ASZ1: variants seen among roughly 807,000 people sequenced by gnomAD.
ASZ1 encodes ankyrin repeat, SAM and basic leucine zipper domain-containing protein 1.
A neutral mutation model predicts 61.8 loss-of-function variants in ASZ1; 67 were observed. The observed-to-expected ratio is 1.08, with a 90% CI of 0.89 to 1.33. The LOEUF (loss-of-function observed/expected upper bound fraction) is 1.33, where lower values mean the gene tolerates loss of function less well. Ranked by LOEUF, ASZ1 falls within the 40% of genes most tolerant of loss-of-function variation. The pLI is 0.00. For synonymous variants in ASZ1, 193 were observed against 192.7 expected (o/e 1.00, Z -0.01); for missense variants, 577 against 554.5 (o/e 1.04, Z -0.41).
chr7:117,403,357 A>C (rs1796716423), intron 4 of ASZ1, among the ~76,000 whole-genome samples: 1 of 151,944 alleles, frequency 6.6e-6, no homozygotes, highest in Non-Finnish European at 1.5e-5. Flanking sequence ...ACCTGGGCTA[A>C]CTCCTTAATA....
intron 4 of ASZ1, among the ~76,000 whole-genome samples, chr7:117,417,672 C>A (rs947299564): frequency 6.6e-6 from 1 of 152,170 alleles, no homozygotes; most frequent in Non-Finnish European, 1.5e-5. Context: ...CATAACTTAT[C>A]CTCTTTTCAG....
At chr7:117,421,503 G>A (rs141743444) in intron 3 of ASZ1, among the ~76,000 whole-genome samples, 143 of 152,182 alleles carry the variant, frequency 9.4e-4, no homozygotes, top group Non-Finnish European at 1.1e-3. Context: ...TTATAAGCAT[G>A]AGCCACCATG....
At chr7:117,423,687 T>TAAAAA (rs1413276323) in intron 2 of ASZ1, among the ~76,000 whole-genome samples, 2 of 37,228 alleles carry the variant, frequency 5.4e-5, no homozygotes, top group African/African-American at 1.6e-4. Flanking sequence ...CTACTAAAAA[T>TAAAAA]ACAAAAAAAA....
intron 10 of ASZ1, among the ~76,000 whole-genome samples, chr7:117,378,682 A>G (rs1037017295): frequency 2.6e-5 from 4 of 152,076 alleles, no homozygotes; most frequent in Non-Finnish European, 4.4e-5. Flanking sequence ...TTTGGCATTT[A>G]TCCCAGAGAA....
At chr7:117,382,628 G>A (rs193048507) in intron 7 of ASZ1, among the ~76,000 whole-genome samples, 1 of 152,150 alleles carries the variant, frequency 6.6e-6, no homozygotes, top group African/African-American at 2.4e-5. Context: ...GGTGTTCTGG[G>A]GGGAAAAGTA....
At chr7:117,423,302 T>C (rs1033525893) in intron 2 of ASZ1, among the ~76,000 whole-genome samples, 3 of 152,120 alleles carry the variant, frequency 2.0e-5, no homozygotes, top group Admixed American at 6.6e-5. Flanking sequence ...AGACTACATA[T>C]GTCTAATTTC....
chr7:117,393,971 ATAAC>A (rs1193507100), intron 4 of ASZ1, among the ~76,000 whole-genome samples: 1 of 152,228 alleles, frequency 6.6e-6, no homozygotes, highest in Non-Finnish European at 1.5e-5. Context: ...AAGTTAATAA[ATAAC>A]TATACATAGT....
intron 4 of ASZ1, among the ~76,000 whole-genome samples, chr7:117,415,855 C>A (rs1388899568): frequency 6.6e-6 from 1 of 152,170 alleles, no homozygotes; most frequent in Non-Finnish European, 1.5e-5. Context: ...ACAACCACAG[C>A]ATACACCAAA....
intron 4 of ASZ1, among the ~76,000 whole-genome samples, chr7:117,398,640 A>G (rs1158949385): frequency 6.6e-6 from 1 of 152,190 alleles, no homozygotes; most frequent in Non-Finnish European, 1.5e-5. Context: ...TAACCTTTAC[A>G]AAATACTAGT....
intron 2 of ASZ1, 76 bp from the exon 3 acceptor site, chr7:117,422,435 T>C: frequency 2.0e-6 from 3 of 1,495,268 alleles, no homozygotes; most frequent in Non-Finnish European, 1.8e-6. Context: ...ATGCTTAAAG[T>C]ACTGTGTAAA....
intron 4 of ASZ1, among the ~76,000 whole-genome samples, chr7:117,402,021 G>A (rs1297422461): frequency 6.6e-6 from 1 of 152,116 alleles, no homozygotes; most frequent in Non-Finnish European, 1.5e-5. Context: ...ATGTGGAGGA[G>A]CAGTATGTGC....
At chr7:117,381,101 A>G (rs1796241713) in intron 8 of ASZ1, 34 bp from the exon 9 acceptor site, 2 of 1,492,024 alleles carry the variant, frequency 1.3e-6, no homozygotes, top group East Asian at 2.3e-5. Flanking sequence ...ACCTTTCCAT[A>G]TAATTAAAAT....
chr7:117,422,185 A>G, intron 3 of ASZ1, 52 bp downstream of exon 3: 1 of 1,572,768 alleles, frequency 6.4e-7, no homozygotes, highest in Non-Finnish European at 8.6e-7. Context: ...GCTACTTGGA[A>G]ACCAAGGAAT....
At chr7:117,385,677 C>G (rs771036618) in intron 5 of ASZ1, 21 bp downstream of exon 5, 1 of 1,536,274 alleles carries the variant, frequency 6.5e-7, no homozygotes. Flanking sequence ...CAAAAAGAAA[C>G]ATTGTAAAAA....
chr7:117,408,927 G>A (rs2116515277), intron 4 of ASZ1, among the ~76,000 whole-genome samples: 1 of 152,106 alleles, frequency 6.6e-6, no homozygotes, highest in East Asian at 1.9e-4. Context: ...GGGTATATGT[G>A]TCACAATAAA....
intron 4 of ASZ1, among the ~76,000 whole-genome samples, chr7:117,389,314 C>T (rs1367783946): frequency 6.6e-6 from 1 of 152,094 alleles, no homozygotes; most frequent in Admixed American, 6.6e-5. Flanking sequence ...AGTTTTTCAA[C>T]CCTTGACCCC....
At chr7:117,400,051 C>T (rs1269193042) in intron 4 of ASZ1, among the ~76,000 whole-genome samples, 2 of 152,096 alleles carry the variant, frequency 1.3e-5, no homozygotes, top group Non-Finnish European at 2.9e-5. Context: ...CTCAATCTGA[C>T]AGAAAAATAA....
intron 4 of ASZ1, among the ~76,000 whole-genome samples, chr7:117,399,455 G>A (rs866027746): frequency 2.0e-5 from 3 of 152,084 alleles, no homozygotes; most frequent in South Asian, 2.1e-4. Flanking sequence ...AATCTCTTCC[G>A]TACTGTCAAA....
In ASZ1 at chr7:117,426,488, C is replaced by CAAAAAA. The variant is rs10625452; in HGVS notation, c.205+342_205+347dup. Reference sequence around the variant, plus strand: ...TGGGCCACAGAGCAAGATAACATCTCAAAAAAAAAAAAAAAAAAAAAAGAA... The same window carrying CAAAAAA: ...TGGGCCACAGAGCAAGATAACATCTCAAAAAAAAAAAAAAAAAAAAAAAAAAAAGAA... On this transcript the variant is annotated intron_variant, in intron 2 of 12. Coordinates refer to ENST00000284629, the MANE Select transcript of ASZ1 (RefSeq NM_130768.3). 6.0e-3 allele frequency among the ~76,000 whole-genome samples: 196 copies of CAAAAAA among 32,728 alleles called. 1 individual carries two copies. Among genetic ancestry groups the CAAAAAA allele is most frequent in the East Asian group, 8.7e-3 (9 of 1,032 alleles). 21.5% of individuals were successfully genotyped at this position (32,728 alleles called of 152,430 possible).
Sources: gnomAD v4.1 joint callset for allele counts (sites outside exome capture counted in the v4.1 genomes callset) on GRCh38, gnomAD v4.1.1 for gene constraint, MANE v1.5 for transcripts, NCBI Gene and HGNC (gene_info 2026-07-23, HGNC 2026-07-21) for gene names.